MACROD2: variants seen among roughly 807,000 people sequenced by gnomAD.
The protein encoded by MACROD2 is ADP-ribose glycohydrolase MACROD2.
In MACROD2, 36 loss-of-function variants were observed where a neutral mutation model predicts 70.4. That is an observed-to-expected ratio of 0.51 (90% CI 0.39 to 0.68). The LOEUF is 0.68. Ranked by LOEUF, MACROD2 falls within the 30% of genes least tolerant of loss-of-function variation. MACROD2 has a pLI of 0.00. For synonymous variants in MACROD2, 172 were observed against 178.8 expected (o/e 0.96, Z 0.30); for missense variants, 496 against 538.4 (o/e 0.92, Z 0.78).
chr20:14,371,630 A>G (rs953923775), intron 3 of MACROD2, among the ~76,000 whole-genome samples: 1 of 152,156 alleles, frequency 6.6e-6, no homozygotes, highest in Non-Finnish European at 1.5e-5. Flanking sequence ...TACATACTTG[A>G]ATAGTGAGCA....
chr20:15,613,835 T>C (rs552682301), intron 8 of MACROD2, among the ~76,000 whole-genome samples: 1 of 152,370 alleles, frequency 6.6e-6, no homozygotes, highest in East Asian at 1.9e-4. Flanking sequence ...CGTGTTATCT[T>C]AAAATTGATA....
chr20:15,911,443 A>G (rs1025977569), intron 10 of MACROD2, among the ~76,000 whole-genome samples: 5 of 152,172 alleles, frequency 3.3e-5, no homozygotes, highest in African/African-American at 7.2e-5. Context: ...TTCGTTATCA[A>G]TTTTTCCCTT....
At chr20:14,343,667 T>A (rs916983753) in intron 3 of MACROD2, among the ~76,000 whole-genome samples, 6 of 152,220 alleles carry the variant, frequency 3.9e-5, no homozygotes, top group Non-Finnish European at 8.8e-5. Context: ...GACTTTGAGA[T>A]AACAGTATCT....
At chr20:15,508,180 A>C (rs1006722078) in intron 8 of MACROD2, among the ~76,000 whole-genome samples, 1 of 152,088 alleles carries the variant, frequency 6.6e-6, no homozygotes, top group Admixed American at 6.5e-5. Flanking sequence ...ATCAATATAC[A>C]TCCTCCTCAG....
chr20:15,531,302 G>T (rs1305038894), intron 8 of MACROD2, among the ~76,000 whole-genome samples: 3 of 149,282 alleles, frequency 2.0e-5, no homozygotes, highest in South Asian at 2.2e-4. Flanking sequence ...TACAAAATAT[G>T]ATTTAATAAC....
chr20:15,862,992 G>A (rs1568603984), intron 9 of MACROD2, among the ~76,000 whole-genome samples, 166 bp downstream of exon 9: 1 of 151,716 alleles, frequency 6.6e-6, no homozygotes, highest in Non-Finnish European at 1.5e-5. Flanking sequence ...AATCTAGGCT[G>A]TGGAACTCTT....
chr20:15,487,653 G>A (rs1195054249), intron 7 of MACROD2, among the ~76,000 whole-genome samples: 1 of 152,102 alleles, frequency 6.6e-6, no homozygotes, highest in Non-Finnish European at 1.5e-5. Context: ...ACAGAACTCA[G>A]AATAGAGTGT....
chr20:15,574,696 A>G (rs2048420911), intron 8 of MACROD2, among the ~76,000 whole-genome samples: 1 of 152,120 alleles, frequency 6.6e-6, no homozygotes, highest in African/African-American at 2.4e-5. Context: ...TTCCCCATGA[A>G]AACCCCCGTA....
rs779121447 is a variant in MACROD2, at chr20:14,844,097, C to G, written c.418+159138C>G. Among the ~76,000 whole-genome samples, 15 of 152,242 alleles carry G rather than the reference C, an allele frequency of 9.9e-5. No individual in the cohort carries two copies. In the South Asian group the frequency reaches 2.1e-3, roughly 21 times the overall value. On this transcript the variant is annotated intron_variant, in intron 5 of 17. Coordinates refer to ENST00000684519, the MANE Select transcript of MACROD2 (RefSeq NM_001351661.2). ...CTGGCCTTCCACCTCATGGTTCACT[C>G]ACACTGATTATGAGTTTTTCTTGTT...
In MACROD2 at chr20:14,815,779, T is replaced by G. The variant is rs1316487693; in HGVS notation, c.418+130820T>G. Among the ~76,000 whole-genome samples, 9 of 152,024 alleles carry G rather than the reference T, an allele frequency of 5.9e-5. No individual in the cohort carries two copies. The South Asian group carries it at 1.7e-3, about 28-fold the overall frequency. On this transcript the variant is annotated intron_variant, in intron 5 of 17. Transcript: ENST00000684519. ...ACATAGTAACATTTTTTGTTTTTTA[T>G]TTTTATTTTTAAAATATCTAACATA... is the stretch of plus-strand genomic sequence containing the variant.
chr20:15,696,883 T>C (rs920184850), intron 8 of MACROD2, among the ~76,000 whole-genome samples: 2 of 151,392 alleles, frequency 1.3e-5, no homozygotes, highest in Non-Finnish European at 2.9e-5. Context: ...TTTATTTCAG[T>C]GGTGTAGGTT....
chr20:15,968,795 GCGTATATA>G (rs1417058521), intron 13 of MACROD2, among the ~76,000 whole-genome samples: 15 of 69,762 alleles, frequency 2.2e-4, no homozygotes, highest in Non-Finnish European at 3.4e-4. Context: ...TATATATTAT[GCGTATATA>G]TATATATATA....
chr20:14,414,958 T>C (rs2083788489), intron 3 of MACROD2, among the ~76,000 whole-genome samples: 2 of 151,886 alleles, frequency 1.3e-5, no homozygotes, highest in Admixed American at 6.6e-5. Flanking sequence ...GGTGTGCCTA[T>C]CACCATGTAT....
At chr20:14,785,234 G>A (rs1272687511) in intron 5 of MACROD2, among the ~76,000 whole-genome samples, 2 of 151,868 alleles carry the variant, frequency 1.3e-5, no homozygotes, top group African/African-American at 2.4e-5. Context: ...CATTTTAGGA[G>A]TCTGGGCTGA....
chr20:14,550,320 C>T (rs1452284757), intron 4 of MACROD2, among the ~76,000 whole-genome samples: 1 of 152,076 alleles, frequency 6.6e-6, no homozygotes, highest in East Asian at 1.9e-4. Context: ...CCTGTCTCTT[C>T]CTTCACTTTC....
chr20:14,305,090 TC>T (rs1306534765), intron 3 of MACROD2, among the ~76,000 whole-genome samples: 1 of 152,154 alleles, frequency 6.6e-6, no homozygotes, highest in East Asian at 1.9e-4. Context: ...TTTTAAAAGA[TC>T]CCCAGGTAAT....
chr20:14,114,295 G>A (rs1436786231), intron 3 of MACROD2, among the ~76,000 whole-genome samples: 3 of 152,084 alleles, frequency 2.0e-5, no homozygotes, highest in Non-Finnish European at 4.4e-5. Context: ...TTAGGACCTG[G>A]CTGTAGCTTA....
At chr20:14,452,512 A>G (rs1047044814) in intron 3 of MACROD2, among the ~76,000 whole-genome samples, 2 of 152,124 alleles carry the variant, frequency 1.3e-5, no homozygotes, top group Non-Finnish European at 2.9e-5. Flanking sequence ...ATGTGACACC[A>G]GTAACAGTCT....
At chr20:14,658,606 T>TTTTG (rs777192037) in intron 4 of MACROD2, among the ~76,000 whole-genome samples, 1 of 152,086 alleles carries the variant, frequency 6.6e-6, no homozygotes, top group Admixed American at 6.6e-5. Context: ...AATTTATGTA[T>TTTTG]TTTGTTTGTT....
Sources: gnomAD v4.1 joint callset for allele counts (sites outside exome capture counted in the v4.1 genomes callset) on GRCh38, gnomAD v4.1.1 for gene constraint, MANE v1.5 for transcripts, NCBI Gene and HGNC (gene_info 2026-07-23, HGNC 2026-07-21) for gene names.